The following UGT3A1 variants were observed in gnomAD, a reference collection of about 807,000 sequenced individuals.
UGT3A1 encodes the protein UDP glycosyltransferase family 3 member A1.
In UGT3A1, 40 loss-of-function variants were observed where a neutral mutation model predicts 37.6. The observed-to-expected ratio is 1.06, with a 90% CI of 0.83 to 1.38. The LOEUF (loss-of-function observed/expected upper bound fraction) is 1.38, where lower values mean the gene tolerates loss of function less well. Among genes scored for constraint, UGT3A1 ranks in the 40% most tolerant of loss-of-function variants. The probability of loss-of-function intolerance (pLI) is 0.00; values close to 1 mark genes in which losing one functional copy is unlikely to be tolerated. For missense variants in UGT3A1, 642 were observed against 634.2 expected, an observed-to-expected ratio of 1.01 and a Z score of -0.13; for synonymous variants, 256 against 232.3, an observed-to-expected ratio of 1.10 and a Z score of -0.93.
At chr5:35,993,396 G>A (rs1439821902), upstream of UGT3A1, among the ~76,000 whole-genome samples, 1 of 151,972 alleles carries the variant, frequency 6.6e-6, no homozygotes, top group Admixed American at 6.5e-5. Flanking sequence ...CCCAGGAGGC[G>A]GAGGTTGCAG....
At chr5:35,976,855 A>AG (rs1396240796) in intron 2 of UGT3A1, among the ~76,000 whole-genome samples, 2 of 150,236 alleles carry the variant, frequency 1.3e-5, no homozygotes, top group Admixed American at 1.4e-4. Flanking sequence ...GAAAGAAAAA[A>AG]GAAGGAAAGA....
chr5:35,954,111 AAG>A lies in UGT3A1; in HGVS notation c.*89_*90del. ...GCAGGATCAGTGGCAGGTGGAGCTG[AAG>A]AGAGAACAGAGGGGTGGCGTGTGCT... On this transcript the variant is annotated 3_prime_UTR_variant, in exon 7 of 7. Transcript: ENST00000274278. 1 of 1,392,516 alleles carries A rather than the reference AAG, an allele frequency of 7.2e-7. No homozygotes were observed. The allele number at this position is 1,392,516 out of a possible 1,614,324, so 86.3% of individuals were successfully genotyped here.
rs576429168 is a variant in UGT3A1, at chr5:35,982,051, A to G, written c.196+6399T>C. On this transcript the variant is annotated intron_variant, in intron 2 of 6. Coordinates refer to ENST00000274278, the MANE Select transcript of UGT3A1 (RefSeq NM_152404.4). Reference sequence around the variant, plus strand: ...GGTTTCCATGTGGAGTTAGGCCTACACATGTGCAGAAGGCAAGAGTTGAGA... The same window carrying G: ...GGTTTCCATGTGGAGTTAGGCCTACGCATGTGCAGAAGGCAAGAGTTGAGA... 3.9e-5 allele frequency among the ~76,000 whole-genome samples: 6 copies of G among 152,382 alleles called. No individual in the cohort carries two copies. The South Asian group carries it at 1.2e-3, about 32-fold the overall frequency.
At chr5:35,993,772 G>T (rs1022230270), upstream of UGT3A1, among the ~76,000 whole-genome samples, 4 of 152,092 alleles carry the variant, frequency 2.6e-5, no homozygotes, top group Non-Finnish European at 5.9e-5. Flanking sequence ...TCTCGTGTTT[G>T]GTTCCGGCTT....
At chr5:35,992,264 T>C (rs1443859971), upstream of UGT3A1, among the ~76,000 whole-genome samples, 1 of 152,184 alleles carries the variant, frequency 6.6e-6, no homozygotes, top group Non-Finnish European at 1.5e-5. Flanking sequence ...AGCATTACAT[T>C]TGTGCATCCT....
Position 35,965,836 on chromosome 5 carries a change from C to CATT in UGT3A1, c.390_392dup (p.Ile130dup). The CATT allele has an allele frequency of 6.2e-7, 1 of 1,613,376 alleles. No individual in the cohort carries two copies. Among genetic ancestry groups the CATT allele is most frequent in the African/African-American group, 1.3e-5 (1 of 75,030 alleles). On this transcript the variant is annotated inframe_insertion, in exon 4 of 7. Transcript: ENST00000274278. ...CATAGTTCTCATTCTTTAAGGAATC[C>CATT]ATTATATCCTTTCTGCTTAGCAAAT...
chr5:35,974,286 T>C (rs1740169171), intron 2 of UGT3A1, among the ~76,000 whole-genome samples: 1 of 152,144 alleles, frequency 6.6e-6, no homozygotes. Flanking sequence ...TTCCCCAAAC[T>C]GATTGTGATT....
In UGT3A1 at chr5:35,954,458, G is replaced by A; in HGVS notation, c.1316C>T (p.Ala439Val). 1 of 1,614,066 alleles carries A rather than the reference G, an allele frequency of 6.2e-7. No homozygotes were observed. Among genetic ancestry groups the A allele is most frequent in the Non-Finnish European group, 8.5e-7 (1 of 1,179,930 alleles). The change falls in exon 7 of 7, where the codon GCA becomes GTA. Residue 439 changes from alanine (A) to valine (V), a missense_variant. Transcript: ENST00000274278. ...EDKRYKSAVV[A>V]ASVILHSQPL... Reference sequence around the variant, plus strand: ...CTGAGAGTGCAGGATGACACTGGCTGCCACCACTGCCGACTTGTACCTGTT... The same window carrying A: ...CTGAGAGTGCAGGATGACACTGGCTACCACCACTGCCGACTTGTACCTGTT...
At chr5:35,962,663 A>T (rs1739634780) in intron 4 of UGT3A1, 2 of 544,812 alleles carry the variant, frequency 3.7e-6, no homozygotes, top group Non-Finnish European at 6.6e-6. Flanking sequence ...GCCTCAGGCC[A>T]TTCGTCCTCA....
intron 4 of UGT3A1, chr5:35,961,808 T>C (rs933659896): frequency 6.6e-6 from 1 of 152,208 alleles, no homozygotes; most frequent in Non-Finnish European, 1.5e-5. Flanking sequence ...ATAAATTTAT[T>C]CTTCAGAATT....
intron 2 of UGT3A1, among the ~76,000 whole-genome samples, chr5:35,982,237 A>G (rs10044791): frequency 4.4e-4 from 67 of 152,344 alleles, no homozygotes; most frequent in African/African-American, 1.6e-3. Flanking sequence ...CCACTGGGGC[A>G]TTGCCTAGTG....
rs1187556184 is a variant in UGT3A1, at chr5:35,954,086, G to T, written c.*116C>A. On this transcript the variant is annotated 3_prime_UTR_variant, in exon 7 of 7. Coordinates refer to ENST00000274278, the MANE Select transcript of UGT3A1 (RefSeq NM_152404.4). ...GGCAGAGAATAGAAAGAAGCAAGTT[G>T]CAGGATCAGTGGCAGGTGGAGCTGA... 2.7e-6 allele frequency: 3 copies of T among 1,127,462 alleles called. No homozygotes were observed. The highest frequency in any genetic ancestry group is 2.4e-5 in the East Asian group (1 of 41,672). The allele number at this position is 1,127,462 out of a possible 1,614,324, so 69.8% of individuals were successfully genotyped here. A position where few individuals can be genotyped will look rare whatever the true frequency, so the allele number is the denominator to read the frequency against.
In UGT3A1 at chr5:35,974,116, T is replaced by C. The variant is rs546697879; in HGVS notation, c.197-5983A>G. Among the ~76,000 whole-genome samples the C allele has an allele frequency of 9.2e-5, 14 of 152,284 alleles. 1 individual carries two copies. The South Asian group carries it at 2.7e-3, about 29-fold the overall frequency. On this transcript the variant is annotated intron_variant, in intron 2 of 6. Coordinates refer to ENST00000274278, the MANE Select transcript of UGT3A1 (RefSeq NM_152404.4). ...ACCTTGGGAAAAGACCCCACTACAC[T>C]ACCAGAAATATATACTGTTAATCTT...
intron 4 of UGT3A1, chr5:35,962,902 A>G (rs574966098): frequency 7.1e-6 from 5 of 702,778 alleles, no homozygotes; most frequent in Admixed American, 2.0e-5. Context: ...TTCAGGATAC[A>G]CTCCAGAGGA....
In UGT3A1 at chr5:35,953,379, G is replaced by A. The variant is rs1018426980; in HGVS notation, c.*823C>T. 8 of 152,314 alleles carry A rather than the reference G, an allele frequency of 5.3e-5. No individual in the cohort carries two copies. Among genetic ancestry groups the A allele is most frequent in the African/African-American group, 1.9e-4 (8 of 41,454 alleles). 9.4% of individuals were successfully genotyped at this position (152,314 alleles called of 1,614,324 possible). On this transcript the variant is annotated 3_prime_UTR_variant, in exon 7 of 7. Coordinates refer to ENST00000274278, the MANE Select transcript of UGT3A1 (RefSeq NM_152404.4). Reference sequence around the variant, plus strand: ...TTACGCCATGGTTTTTCTTGCTTCTGTTCCTAGCAGATTAAGGTAATCTCT... The same window carrying A: ...TTACGCCATGGTTTTTCTTGCTTCTATTCCTAGCAGATTAAGGTAATCTCT...
intron 4 of UGT3A1, among the ~76,000 whole-genome samples, chr5:35,963,945 C>T (rs187376453): frequency 5.9e-5 from 9 of 152,262 alleles, no homozygotes; most frequent in Admixed American, 2.0e-4. Flanking sequence ...GTGGCTGAGC[C>T]AAATGCTCAT....
chr5:35,991,142 C>T lies in UGT3A1; in HGVS notation c.94+5G>A, dbSNP rs1740932676. 3.7e-6 allele frequency: 6 copies of T among 1,614,236 alleles called. No homozygotes were observed. The highest frequency in any genetic ancestry group is 5.1e-6 in the Non-Finnish European group (6 of 1,180,034). On this transcript the variant is annotated splice_donor_5th_base_variant and intron_variant, in intron 1 of 6. Coordinates refer to ENST00000274278, the MANE Select transcript of UGT3A1 (RefSeq NM_152404.4). ...TGTCTGGGAATTCTCCGGCCAAGCACTCACCCAGTGTAGATATTGTCAGGA... is the reference window on the plus strand; with the variant it reads ...TGTCTGGGAATTCTCCGGCCAAGCATTCACCCAGTGTAGATATTGTCAGGA...
At chr5:35,983,848 C>A (rs1740626898) in intron 2 of UGT3A1, among the ~76,000 whole-genome samples, 1 of 151,828 alleles carries the variant, frequency 6.6e-6, no homozygotes, top group Non-Finnish European at 1.5e-5. Context: ...AATTCAACAC[C>A]TTTTTATGAT....
chr5:35,993,835 T>G (rs113435916), upstream of UGT3A1, among the ~76,000 whole-genome samples: 1,036 of 152,298 alleles, frequency 6.8e-3, 13 homozygotes, highest in African/African-American at 0.024. Context: ...CCAGGATCTC[T>G]TTCCTCCAGG....
Sources: gnomAD v4.1 joint callset for allele counts (sites outside exome capture counted in the v4.1 genomes callset) on GRCh38, gnomAD v4.1.1 for gene constraint, MANE v1.5 for transcripts, NCBI Gene and HGNC (gene_info 2026-07-23, HGNC 2026-07-21) for gene names.